The following GRIA3 variants were observed in gnomAD, a reference collection of about 807,000 sequenced individuals.
The protein encoded by GRIA3 is glutamate ionotropic receptor AMPA type subunit 3.
GRIA3 carries 3 observed loss-of-function variants against 63.0 expected under a neutral mutation model. That is an observed-to-expected ratio of 0.05 (90% CI 0.02 to 0.12). The LOEUF (loss-of-function observed/expected upper bound fraction) is 0.12. GRIA3 is among the 10% of genes least tolerant of loss of function. The pLI is 1.00. For missense variants in GRIA3, 347 were observed against 700.9 expected, an observed-to-expected ratio of 0.50 and a Z score of 5.70; for synonymous variants, 274 against 257.9, an observed-to-expected ratio of 1.06 and a Z score of -0.60.
intron 12 of GRIA3, among the ~76,000 whole-genome samples, chrX:123,442,592 G>A (rs756444062): frequency 7.2e-5 from 8 of 111,372 alleles, no homozygotes; most frequent in Non-Finnish European, 1.1e-4. Context: ...TTGAATAGAG[G>A]ACTCAGTAAT....
intron 9 of GRIA3, among the ~76,000 whole-genome samples, chrX:123,403,774 C>T (rs1197833576): frequency 3.6e-5 from 4 of 111,249 alleles, no homozygotes. Flanking sequence ...CCTCCATGCC[C>T]GCCCGCATAG....
At chrX:123,364,923 T>G (rs1314513198) in intron 5 of GRIA3, among the ~76,000 whole-genome samples, 2 of 111,933 alleles carry the variant, frequency 1.8e-5, no homozygotes, top group Non-Finnish European at 3.8e-5. Flanking sequence ...GTTGAACTCA[T>G]AGAAGTAGAG....
chrX:123,479,938 G>A, intron 13 of GRIA3, 125 bp from the exon 14 acceptor site: 1 of 514,270 alleles, frequency 1.9e-6, no homozygotes, highest in Non-Finnish European at 3.4e-6. Flanking sequence ...TGCCTGCAGT[G>A]TCTAAAATTA....
At chrX:123,344,922 C>T (rs1286274717) in intron 4 of GRIA3, among the ~76,000 whole-genome samples, 1 of 111,758 alleles carries the variant, frequency 8.9e-6, no homozygotes, top group Non-Finnish European at 1.9e-5. Context: ...ATCAGAATCA[C>T]CAAAGGTGAG....
chrX:123,414,218 G>C (rs2045523243), intron 10 of GRIA3, among the ~76,000 whole-genome samples: 1 of 111,122 alleles, frequency 9.0e-6, no homozygotes, highest in African/African-American at 3.3e-5. Flanking sequence ...AAAGGTGGGA[G>C]GAGTGTTTTC....
At chrX:123,297,783 A>T (rs2044695760) in intron 3 of GRIA3, among the ~76,000 whole-genome samples, 1 of 110,312 alleles carries the variant, frequency 9.1e-6, no homozygotes, top group African/African-American at 3.3e-5. Context: ...AGATAAACTT[A>T]TGTCATAGGG....
intron 11 of GRIA3, among the ~76,000 whole-genome samples, chrX:123,423,131 A>G (rs1008290418): frequency 1.8e-5 from 2 of 111,770 alleles, no homozygotes; most frequent in Admixed American, 9.6e-5. Context: ...AATTGAAGAC[A>G]TGAGAGTTGG....
At chrX:123,422,258 A>T (rs776612501) in intron 11 of GRIA3, among the ~76,000 whole-genome samples, 29 of 112,415 alleles carry the variant, frequency 2.6e-4, no homozygotes, top group Non-Finnish European at 2.3e-4. Context: ...AGAAAAACTG[A>T]TGGCATCATT....
At chrX:123,331,007 C>A (rs1419504236) in intron 4 of GRIA3, among the ~76,000 whole-genome samples, 2 of 111,810 alleles carry the variant, frequency 1.8e-5, no homozygotes, top group African/African-American at 6.5e-5. Flanking sequence ...CATTATATAT[C>A]TAAAAGGCTG....
intron 11 of GRIA3, among the ~76,000 whole-genome samples, chrX:123,427,070 G>A (rs946685485): frequency 9.0e-6 from 1 of 111,340 alleles, no homozygotes; most frequent in African/African-American, 3.3e-5. Context: ...TAATCTCCTG[G>A]GCCCCAAAAG....
At chrX:123,467,863 C>A (rs1437517008) in intron 13 of GRIA3, among the ~76,000 whole-genome samples, 2 of 112,366 alleles carry the variant, frequency 1.8e-5, no homozygotes, top group Non-Finnish European at 3.8e-5. Context: ...TCATTACAAC[C>A]AGCAATCAAG....
Position 123,184,398 on chromosome X carries a change from G to T in GRIA3, c.-138G>T. On this transcript the variant is annotated 5_prime_UTR_variant, in exon 1 of 16. Coordinates refer to ENST00000620443, the MANE Select transcript of GRIA3 (RefSeq NM_007325.5). ...CGGAGGAGGAGGAGGACTAGTGTGG[G>T]GTGGAAAGGAAGAGTGAGCGAGAGC... 1 of 546,304 alleles carries T rather than the reference G, an allele frequency of 1.8e-6. No individual in the cohort carries two copies. Among genetic ancestry groups the T allele is most frequent in the Non-Finnish European group, 3.3e-6 (1 of 302,352 alleles). The allele number at this position is 546,304 out of a possible 1,213,427, so 45.0% of individuals were successfully genotyped here.
chrX:123,337,930 AG>A (rs2044984450), intron 4 of GRIA3, among the ~76,000 whole-genome samples: 1 of 112,053 alleles, frequency 8.9e-6, no homozygotes, highest in African/African-American at 3.3e-5. Context: ...AAAGGTGCAA[AG>A]GGGAAAAAAA....
chrX:123,418,826 T>C (rs941152209), intron 11 of GRIA3, among the ~76,000 whole-genome samples: 5 of 112,456 alleles, frequency 4.4e-5, no homozygotes, highest in African/African-American at 1.6e-4. Flanking sequence ...TACAGCCACA[T>C]TGGAAAATAG....
At chrX:123,361,194 C>T (rs1373571996) in intron 5 of GRIA3, 2 of 111,730 alleles carry the variant, frequency 1.8e-5, no homozygotes, top group African/African-American at 6.5e-5. Flanking sequence ...TTTAGTTATG[C>T]TGTTTTGCTT....
In GRIA3 at chrX:123,306,125, T is replaced by C. The variant is rs756992785; in HGVS notation, c.509-19901T>C. Reference sequence around the variant, plus strand: ...TTAAGTTCTTTTCTTATTCATCCCTTGGGTATGTGGATAATTCAAAAGCAA... The same window carrying C: ...TTAAGTTCTTTTCTTATTCATCCCTCGGGTATGTGGATAATTCAAAAGCAA... On this transcript the variant is annotated intron_variant, in intron 3 of 15. Transcript: ENST00000620443. Among the ~76,000 whole-genome samples, 7 of 112,374 alleles carry C rather than the reference T, an allele frequency of 6.2e-5. No homozygotes were observed. In the South Asian group the frequency reaches 2.6e-3, roughly 42 times the overall value.
At chrX:123,385,673 GT>G (rs777274176) in intron 5 of GRIA3, among the ~76,000 whole-genome samples, 2 of 111,925 alleles carry the variant, frequency 1.8e-5, no homozygotes, top group African/African-American at 6.5e-5. Flanking sequence ...TTTGAGCAGT[GT>G]TTTGTAATTC....
intron 2 of GRIA3, among the ~76,000 whole-genome samples, chrX:123,231,968 A>G (rs967619260): frequency 6.2e-5 from 7 of 112,008 alleles, no homozygotes; most frequent in African/African-American, 2.3e-4. Context: ...AACCAATGCC[A>G]TACACCAAGG....
intron 3 of GRIA3, among the ~76,000 whole-genome samples, chrX:123,269,498 C>T (rs1353833757): frequency 8.9e-6 from 1 of 111,748 alleles, no homozygotes; most frequent in South Asian, 3.8e-4. Flanking sequence ...TGCCACCTTG[C>T]TCATCTCTCC....
Sources: gnomAD v4.1 joint callset for allele counts (sites outside exome capture counted in the v4.1 genomes callset) on GRCh38, gnomAD v4.1.1 for gene constraint, MANE v1.5 for transcripts, NCBI Gene and HGNC (gene_info 2026-07-23, HGNC 2026-07-21) for gene names.